Variants in SYCP1 observed in about 807,000 individuals in gnomAD.
The protein encoded by SYCP1 is cancer/testis antigen 8.
SYCP1 carries 64 observed loss-of-function variants against 153.1 expected under a neutral mutation model. The ratio of observed to expected loss-of-function variants is 0.42; its 90% CI spans 0.34 to 0.51. The LOEUF (loss-of-function observed/expected upper bound fraction) is 0.51. Among genes scored for constraint, SYCP1 ranks in the 20% least tolerant of loss-of-function variants. The pLI is 0.06. For synonymous variants in SYCP1, 384 were observed against 341.8 expected (o/e 1.12, Z -1.36); for missense variants, 997 against 1,049.0 (o/e 0.95, Z 0.68).
At chr1:114,965,827 C>A (rs1431459865) in intron 27 of SYCP1, among the ~76,000 whole-genome samples, 2 of 152,020 alleles carry the variant, frequency 1.3e-5, no homozygotes, top group East Asian at 1.9e-4. Context: ...TGTGTCTCTG[C>A]CAGGTTTTGG....
At chr1:114,928,797 A>T (rs1183232108) in intron 23 of SYCP1, among the ~76,000 whole-genome samples, 3 of 152,224 alleles carry the variant, frequency 2.0e-5, no homozygotes, top group Admixed American at 1.3e-4. Flanking sequence ...TTAGTGATAC[A>T]TACTATCCTC....
intron 30 of SYCP1, among the ~76,000 whole-genome samples, chr1:114,989,681 A>C (rs1013897539): frequency 5.9e-5 from 9 of 152,014 alleles, no homozygotes; most frequent in South Asian, 2.1e-4. Flanking sequence ...TATTCTGTGC[A>C]TATAGTAACC....
At chr1:114,929,265 T>A (rs1669469794) in intron 23 of SYCP1, among the ~76,000 whole-genome samples, 1 of 151,968 alleles carries the variant, frequency 6.6e-6, no homozygotes, top group South Asian at 2.1e-4. Context: ...GAAAAAACTT[T>A]GATAAACTCC....
intron 27 of SYCP1, among the ~76,000 whole-genome samples, chr1:114,955,815 C>T (rs1671397769): frequency 6.6e-6 from 1 of 152,094 alleles, no homozygotes; most frequent in African/African-American, 2.4e-5. Flanking sequence ...AGGTGGCTGA[C>T]CTACTGAGTT....
intron 27 of SYCP1, among the ~76,000 whole-genome samples, chr1:114,964,642 C>T (rs945857421): frequency 3.3e-5 from 5 of 152,096 alleles, no homozygotes; most frequent in Admixed American, 1.3e-4. Context: ...AATCCTTTCC[C>T]CATTTCTTGT....
At chr1:114,941,678 T>C (rs565557769) in intron 23 of SYCP1, among the ~76,000 whole-genome samples, 8 of 152,116 alleles carry the variant, frequency 5.3e-5, no homozygotes, top group Admixed American at 2.0e-4. Flanking sequence ...AAAGAAAAAA[T>C]AGAGTGAACT....
intron 27 of SYCP1, among the ~76,000 whole-genome samples, chr1:114,958,756 T>TAA (rs754525268): frequency 4.1e-5 from 4 of 96,530 alleles, no homozygotes; most frequent in African/African-American, 1.6e-4. Flanking sequence ...CTGTCTCTAC[T>TAA]AAAAAAAAAA....
intron 27 of SYCP1, among the ~76,000 whole-genome samples, chr1:114,971,729 T>A (rs1433326995): frequency 1.3e-5 from 2 of 152,208 alleles, no homozygotes; most frequent in Non-Finnish European, 2.9e-5. Flanking sequence ...ACTGATTTAT[T>A]TGTGTATGTT....
chr1:114,908,670 C>T (rs1667986508), intron 16 of SYCP1, among the ~76,000 whole-genome samples: 1 of 152,104 alleles, frequency 6.6e-6, no homozygotes, highest in South Asian at 2.1e-4. Context: ...TTTTTACCAG[C>T]TCTAAAATTT....
intron 8 of SYCP1, 52 bp from the exon 9 acceptor site, chr1:114,874,454 T>A: frequency 9.1e-7 from 1 of 1,098,024 alleles, no homozygotes; most frequent in Non-Finnish European, 1.4e-6. Flanking sequence ...AGTATTGTCT[T>A]GTTGACATCT....
At chr1:114,859,174 G>T (rs561963418) in intron 6 of SYCP1, among the ~76,000 whole-genome samples, 3 of 152,106 alleles carry the variant, frequency 2.0e-5, no homozygotes, top group African/African-American at 7.2e-5. Flanking sequence ...TGCAACCTTC[G>T]CCTCCCTGGT....
chr1:114,883,505 G>A (rs1161105122), intron 12 of SYCP1, among the ~76,000 whole-genome samples: 1 of 152,144 alleles, frequency 6.6e-6, no homozygotes, highest in Non-Finnish European at 1.5e-5. Context: ...TATTAGGCCT[G>A]AAGAAAATTT....
chr1:114,936,057 C>G (rs1330484654), intron 23 of SYCP1, among the ~76,000 whole-genome samples: 1 of 152,144 alleles, frequency 6.6e-6, no homozygotes, highest in Non-Finnish European at 1.5e-5. Flanking sequence ...TTTTATGAGG[C>G]CAGCATCATC....
At chr1:114,857,136 C>CAAAAAAAAAAAAAAAAAAAAAAGAAAAA (rs71582509) in intron 3 of SYCP1, 96 bp from the exon 4 acceptor site, 1 of 220,620 alleles carries the variant, frequency 4.5e-6, no homozygotes, top group Non-Finnish European at 6.5e-6. Context: ...CTCTCTCTCT[C>CAAAAAAAAAAAAAAAAAAAAAAGAAAAA]AAAAAAAAAA....
chr1:114,957,130 T>G (rs1408411571), intron 27 of SYCP1, among the ~76,000 whole-genome samples: 3 of 151,618 alleles, frequency 2.0e-5, no homozygotes, highest in African/African-American at 7.3e-5. Flanking sequence ...AATGGTACAA[T>G]CATAGCTCAC....
At chr1:114,946,832 C>T (rs767544071) in intron 26 of SYCP1, among the ~76,000 whole-genome samples, 1 of 152,080 alleles carries the variant, frequency 6.6e-6, no homozygotes, top group Non-Finnish European at 1.5e-5. Flanking sequence ...CTCCACCTCC[C>T]GGGTTCAAGC....
intron 16 of SYCP1, among the ~76,000 whole-genome samples, chr1:114,901,340 C>T (rs1487489904): frequency 6.6e-6 from 1 of 152,174 alleles, no homozygotes; most frequent in Non-Finnish European, 1.5e-5. Flanking sequence ...ACTTGGATAT[C>T]CACTTTAATT....
At chr1:114,863,459 AG>A (rs1482644038) in intron 8 of SYCP1, among the ~76,000 whole-genome samples, 1 of 152,154 alleles carries the variant, frequency 6.6e-6, no homozygotes, top group Non-Finnish European at 1.5e-5. Context: ...AGGTTGAGGC[AG>A]GGGAATCGCT....
intron 8 of SYCP1, among the ~76,000 whole-genome samples, chr1:114,873,962 C>G (rs1329705070): frequency 6.6e-6 from 1 of 152,126 alleles, no homozygotes; most frequent in African/African-American, 2.4e-5. Context: ...GAACTCCTGG[C>G]ATCAAGCAAC....
Sources: allele counts gnomAD v4.1 joint callset (sites outside exome capture counted in the v4.1 genomes callset), GRCh38; gene constraint gnomAD v4.1.1; transcripts MANE v1.5; gene names NCBI Gene and HGNC (gene_info 2026-07-23, HGNC 2026-07-21).